The following SPAG16 variants were observed in gnomAD, a reference collection of about 807,000 sequenced individuals.
SPAG16 encodes sperm associated antigen 16.
In SPAG16, 86 loss-of-function variants were observed where a neutral mutation model predicts 80.4. The observed-to-expected ratio is 1.07, with a 90% CI of 0.90 to 1.28. The LOEUF is 1.28. Among genes scored for constraint, SPAG16 ranks in the 50% most tolerant of loss-of-function variants. The probability of loss-of-function intolerance (pLI) is 0.00; values close to 1 mark genes in which losing one functional copy is unlikely to be tolerated. For synonymous variants in SPAG16, 294 were observed against 265.9 expected, an observed-to-expected ratio of 1.11 and a Z score of -1.03; for missense variants, 870 against 765.3, an observed-to-expected ratio of 1.14 and a Z score of -1.61.
chr2:213,319,141 T>C (rs1024678667), intron 5 of SPAG16, among the ~76,000 whole-genome samples: 2 of 151,990 alleles, frequency 1.3e-5, no homozygotes, highest in Non-Finnish European at 2.9e-5. Flanking sequence ...GTGTTTTATT[T>C]ATTAATTCAT....
intron 10 of SPAG16, among the ~76,000 whole-genome samples, chr2:213,830,643 T>C (rs2073580815): frequency 6.6e-6 from 1 of 152,184 alleles, no homozygotes; most frequent in Admixed American, 6.6e-5. Flanking sequence ...TGTAATTCAT[T>C]GTGAAAAATT....
chr2:213,622,876 G>T (rs1021867713), intron 10 of SPAG16, among the ~76,000 whole-genome samples: 3 of 152,098 alleles, frequency 2.0e-5, no homozygotes, highest in Non-Finnish European at 4.4e-5. Flanking sequence ...ACATTCAGAA[G>T]AGAAATGTAA....
chr2:213,949,179 T>TTTTTTTTTTGTTTTTTTTTTTTTTTG (rs1553677667), intron 12 of SPAG16, among the ~76,000 whole-genome samples: 5 of 36,264 alleles, frequency 1.4e-4, no homozygotes, highest in African/African-American at 4.1e-4. Context: ...GTTTTTTTTT[T>TTTTTTTTTTGTTTTTTTTTTTTTTTG]TTTTTTTTTT....
intron 9 of SPAG16, among the ~76,000 whole-genome samples, chr2:213,455,744 G>A (rs772445783): frequency 1.3e-5 from 2 of 152,100 alleles, no homozygotes; most frequent in Non-Finnish European, 2.9e-5. Flanking sequence ...CTGCTAATTT[G>A]ACAGGAGTCA....
intron 12 of SPAG16, among the ~76,000 whole-genome samples, chr2:213,954,779 G>A (rs1432849503): frequency 1.3e-5 from 2 of 152,090 alleles, no homozygotes; most frequent in Non-Finnish European, 2.9e-5. Flanking sequence ...CAGTCTATGA[G>A]AAATTCCCAA....
At chr2:214,227,037 C>T (rs1330042153) in intron 15 of SPAG16, among the ~76,000 whole-genome samples, 1 of 152,048 alleles carries the variant, frequency 6.6e-6, no homozygotes, top group African/African-American at 2.4e-5. Context: ...CACACTAGTC[C>T]AGAAAATGTA....
intron 12 of SPAG16, among the ~76,000 whole-genome samples, chr2:213,948,350 G>A (rs1182687904): frequency 6.6e-6 from 1 of 152,072 alleles, no homozygotes; most frequent in Non-Finnish European, 1.5e-5. Flanking sequence ...AGCAATAAAG[G>A]AAGTGTGTAA....
intron 11 of SPAG16, among the ~76,000 whole-genome samples, chr2:213,875,404 G>C (rs2076104024): frequency 6.6e-6 from 1 of 152,064 alleles, no homozygotes; most frequent in Non-Finnish European, 1.5e-5. Context: ...AGCGAAAAGG[G>C]ATACATGAAA....
intron 9 of SPAG16, among the ~76,000 whole-genome samples, chr2:213,475,592 A>T (rs1249129207): frequency 6.6e-6 from 1 of 152,172 alleles, no homozygotes; most frequent in Non-Finnish European, 1.5e-5. Flanking sequence ...CTTGCTGCTT[A>T]TGCCATGGTT....
chr2:214,233,628 G>T (rs566059438), intron 15 of SPAG16, among the ~76,000 whole-genome samples: 15 of 152,058 alleles, frequency 9.9e-5, no homozygotes, highest in Non-Finnish European at 2.2e-4. Flanking sequence ...TCATGGAAAT[G>T]ATCACTTCAA....
In SPAG16 at chr2:213,284,521, G is replaced by C. The variant is rs2061977215; in HGVS notation, c.38G>C (p.Arg13Thr). Residue 13 changes from arginine to threonine, a missense_variant, in exon 1 of 16, where the codon AGG becomes ACG. Coordinates refer to ENST00000331683, the MANE Select transcript of SPAG16 (RefSeq NM_024532.5). The stretch of plus-strand genomic sequence containing the variant: ...CGAGGGATGCCCAGCTCCGCCGTGA[G>C]GGTCCTGGAAGAGGCGTTGGGCATG... ...AQRGMPSSAV[R>T]VLEEALGMGL... is the part of the protein sequence containing the mutation. The C allele has an allele frequency of 6.3e-7, 1 of 1,591,914 alleles. No homozygotes were observed. The highest frequency in any genetic ancestry group is 1.3e-5 in the African/African-American group (1 of 74,718).
chr2:213,488,230 T>G (rs923815406), intron 9 of SPAG16, among the ~76,000 whole-genome samples: 3 of 152,272 alleles, frequency 2.0e-5, no homozygotes, highest in African/African-American at 7.2e-5. Context: ...AAGAATGGAT[T>G]TTTTTAAGTG....
At chr2:214,280,737 C>T (rs1692860833) in intron 15 of SPAG16, 1 of 413,124 alleles carries the variant, frequency 2.4e-6, no homozygotes, top group Admixed American at 2.9e-5. Flanking sequence ...GGTTCTATCT[C>T]TTTTAACTTA....
intron 11 of SPAG16, among the ~76,000 whole-genome samples, chr2:213,883,715 T>C (rs1278803914): frequency 6.6e-6 from 1 of 152,230 alleles, no homozygotes; most frequent in Non-Finnish European, 1.5e-5. Context: ...CATATATATT[T>C]GGGGTAGGCA....
intron 5 of SPAG16, among the ~76,000 whole-genome samples, chr2:213,319,744 AT>A (rs769129444): frequency 5.7e-4 from 87 of 152,130 alleles, no homozygotes; most frequent in South Asian, 1.0e-3. Flanking sequence ...CTCCAGTGAC[AT>A]TGAATAGTCA....
intron 15 of SPAG16, among the ~76,000 whole-genome samples, chr2:214,319,237 A>G (rs1310366785): frequency 1.9e-5 from 1 of 53,122 alleles, no homozygotes; most frequent in African/African-American, 4.5e-5. Context: ...AAGTGTAGAA[A>G]AGATCTGAAA....
At chr2:214,177,707 A>G (rs531230293) in intron 15 of SPAG16, among the ~76,000 whole-genome samples, 10 of 150,350 alleles carry the variant, frequency 6.7e-5, no homozygotes, top group African/African-American at 2.2e-4. Flanking sequence ...AGAATGGCTT[A>G]GTACTTAGCA....
chr2:214,172,539 T>G (rs1015343877), intron 15 of SPAG16, among the ~76,000 whole-genome samples: 1 of 152,160 alleles, frequency 6.6e-6, no homozygotes, highest in Non-Finnish European at 1.5e-5. Context: ...TTTGCTGTTG[T>G]GAATAGTGCC....
At chr2:213,395,110 C>T (rs774724954) in intron 9 of SPAG16, among the ~76,000 whole-genome samples, 1 of 152,012 alleles carries the variant, frequency 6.6e-6, no homozygotes, top group African/African-American at 2.4e-5. Context: ...TGTTTCTTCT[C>T]CCATTTATTT....
Sources: gnomAD v4.1 joint callset for allele counts (sites outside exome capture counted in the v4.1 genomes callset) on GRCh38, gnomAD v4.1.1 for gene constraint, MANE v1.5 for transcripts, NCBI Gene and HGNC (gene_info 2026-07-23, HGNC 2026-07-21) for gene names.